KCNB2: variants seen among roughly 807,000 people sequenced by gnomAD.
The protein encoded by KCNB2 is delayed rectifier potassium channel protein.
Under a neutral mutation model 61.5 loss-of-function variants are expected in KCNB2, and 15 were observed. The observed-to-expected ratio is 0.24, with a 90% CI of 0.16 to 0.38. KCNB2 has a LOEUF of 0.38. Among genes scored for constraint, KCNB2 ranks in the 10% least tolerant of loss-of-function variants. The probability of loss-of-function intolerance (pLI) is 1.00; values close to 1 mark genes in which losing one functional copy is unlikely to be tolerated. For missense variants in KCNB2, 828 were observed against 1,125.2 expected (o/e 0.74, Z 3.78); for synonymous variants, 457 against 446.0 (o/e 1.02, Z -0.31).
At chr8:72,627,873 T>C (rs1805814428) in intron 2 of KCNB2, among the ~76,000 whole-genome samples, 2 of 152,372 alleles carry the variant, frequency 1.3e-5, no homozygotes, top group South Asian at 4.1e-4. Context: ...TTTATGTATT[T>C]CTTAACAATT....
intron 2 of KCNB2, among the ~76,000 whole-genome samples, chr8:72,666,522 A>G (rs1489480513): frequency 1.3e-5 from 2 of 152,222 alleles, no homozygotes; most frequent in Non-Finnish European, 2.9e-5. Context: ...AAGAATATCA[A>G]AAGCTTTGAT....
In KCNB2 at chr8:72,580,246, G is replaced by T. The variant is rs573880516; in HGVS notation, c.579+11933G>T. On this transcript the variant is annotated intron_variant, in intron 2 of 2. Transcript: ENST00000523207. ...GAATTTAGCCCACAGGCCATAGTTT[G>T]CCAACCACTACTTTATATCAATCCT... 1.1e-4 allele frequency among the ~76,000 whole-genome samples: 16 copies of T among 152,254 alleles called. No individual in the cohort carries two copies. The East Asian group carries it at 3.1e-3, about 29-fold the overall frequency.
At position 72,677,883 on chromosome 8, in the gene KCNB2, C is replaced by G. The variant is rs182820340; in HGVS notation, c.579+109570C>G. On this transcript the variant is annotated intron_variant, in intron 2 of 2. Coordinates refer to ENST00000523207, the MANE Select transcript of KCNB2 (RefSeq NM_004770.3). ...TACATTCATTCTTAAATTAAAACATCCAGTCCTCCTGGCTTTAGATAAAAT... is the reference window on the plus strand; with the variant it reads ...TACATTCATTCTTAAATTAAAACATGCAGTCCTCCTGGCTTTAGATAAAAT... Among the ~76,000 whole-genome samples the G allele has an allele frequency of 5.5e-3, 841 of 152,282 alleles. 5 individuals are homozygous for G. Among genetic ancestry groups the G allele is most frequent in the Non-Finnish European group, 8.9e-3 (606 of 68,038 alleles).
At chr8:72,538,358 A>G (rs1412100632) in intron 1 of KCNB2, among the ~76,000 whole-genome samples, 1 of 152,148 alleles carries the variant, frequency 6.6e-6, no homozygotes. Flanking sequence ...CTAAGGAAAG[A>G]GCTTCATGGC....
chr8:72,798,857 G>C (rs1054650036), intron 2 of KCNB2, among the ~76,000 whole-genome samples: 1 of 152,122 alleles, frequency 6.6e-6, no homozygotes, highest in Non-Finnish European at 1.5e-5. Flanking sequence ...GGATGAGCAA[G>C]TTACCAGATA....
rs151120479 is a variant in KCNB2 at position 72,541,122 on chromosome 8, G to A, written c.-94+3237G>A. Among the ~76,000 whole-genome samples the A allele has an allele frequency of 2.4e-3, 362 of 151,054 alleles. 2 individuals are homozygous for A. The highest frequency in any genetic ancestry group is 8.1e-3 in the African/African-American group (334 of 41,278). On this transcript the variant is annotated intron_variant, in intron 1 of 2. Transcript: ENST00000523207. ...ATTAATTAAGACACATCCATGAAGA[G>A]GATCATGAAAATTTTCACAAACTAT...
intron 2 of KCNB2, among the ~76,000 whole-genome samples, chr8:72,789,423 G>C (rs1021264907): frequency 2.6e-5 from 4 of 152,112 alleles, no homozygotes; most frequent in Non-Finnish European, 5.9e-5. Context: ...GAGCACAAAA[G>C]ATTATCTAAA....
At chr8:72,692,593 C>G (rs1806956115) in intron 2 of KCNB2, among the ~76,000 whole-genome samples, 1 of 152,094 alleles carries the variant, frequency 6.6e-6, no homozygotes, top group South Asian at 2.1e-4. Context: ...CATTTGAATT[C>G]TAGGCTTGTA....
intron 2 of KCNB2, among the ~76,000 whole-genome samples, chr8:72,910,692 G>A (rs1048355887): frequency 6.6e-5 from 10 of 152,186 alleles, no homozygotes; most frequent in South Asian, 2.1e-4. Context: ...TGAGACAAGC[G>A]TTTCATTAGA....
chr8:72,920,190 A>G (rs1199916600), intron 2 of KCNB2, among the ~76,000 whole-genome samples: 3 of 151,954 alleles, frequency 2.0e-5, no homozygotes, highest in Non-Finnish European at 2.9e-5. Context: ...CTTAATCAAA[A>G]ATTGGGTCTT....
intron 2 of KCNB2, among the ~76,000 whole-genome samples, chr8:72,865,469 T>C (rs1319482934): frequency 6.6e-6 from 1 of 152,142 alleles, no homozygotes; most frequent in African/African-American, 2.4e-5. Context: ...GCCGATTTCA[T>C]GAGAAAATGT....
intron 2 of KCNB2, among the ~76,000 whole-genome samples, chr8:72,575,996 T>C (rs1360070361): frequency 6.6e-6 from 1 of 152,216 alleles, no homozygotes; most frequent in Non-Finnish European, 1.5e-5. Flanking sequence ...AGAGACTCTG[T>C]CTGTTTACCC....
chr8:72,676,130 T>C (rs752180378), intron 2 of KCNB2, among the ~76,000 whole-genome samples: 3 of 152,194 alleles, frequency 2.0e-5, no homozygotes, highest in Non-Finnish European at 4.4e-5. Flanking sequence ...TTTTCACATA[T>C]GCATGGAACT....
chr8:72,685,296 GT>G (rs1006367598), intron 2 of KCNB2, among the ~76,000 whole-genome samples: 12 of 151,758 alleles, frequency 7.9e-5, no homozygotes, highest in African/African-American at 2.4e-4. Flanking sequence ...CAATTTCAGG[GT>G]TTTTTTTCTT....
At chr8:72,539,359 A>T (rs958137357) in intron 1 of KCNB2, among the ~76,000 whole-genome samples, 4 of 152,204 alleles carry the variant, frequency 2.6e-5, no homozygotes, top group Admixed American at 6.5e-5. Context: ...ACTGAAGGAA[A>T]AGTATCCTTA....
intron 2 of KCNB2, among the ~76,000 whole-genome samples, chr8:72,724,446 TG>T (rs1293921329): frequency 4.6e-5 from 7 of 152,322 alleles, no homozygotes; most frequent in Non-Finnish European, 8.8e-5. Context: ...ATCTGAGTGT[TG>T]GAGGAGAGCT....
intron 2 of KCNB2, among the ~76,000 whole-genome samples, chr8:72,669,640 GAT>G (rs1473718915): frequency 6.6e-6 from 1 of 152,120 alleles, no homozygotes; most frequent in East Asian, 1.9e-4. Flanking sequence ...ATTTCATTCA[GAT>G]TTTTTACAAG....
At chr8:72,792,445 C>A (rs1379080256) in intron 2 of KCNB2, among the ~76,000 whole-genome samples, 1 of 152,102 alleles carries the variant, frequency 6.6e-6, no homozygotes, top group Admixed American at 6.5e-5. Context: ...CAAAAGATTT[C>A]TCTTGTTAGG....
At chr8:72,922,061 A>C (rs1011526192) in intron 2 of KCNB2, among the ~76,000 whole-genome samples, 1 of 152,216 alleles carries the variant, frequency 6.6e-6, no homozygotes, top group Admixed American at 6.5e-5. Context: ...GAAGTCTAAA[A>C]CCAAGGTGTG....
Sources: allele counts gnomAD v4.1 joint callset (sites outside exome capture counted in the v4.1 genomes callset), GRCh38; gene constraint gnomAD v4.1.1; transcripts MANE v1.5; gene names NCBI Gene and HGNC (gene_info 2026-07-23, HGNC 2026-07-21).